The following DNAAF10 variants were observed in gnomAD, a reference collection of about 807,000 sequenced individuals.
DNAAF10 encodes dynein axonemal assembly factor 10.
Under a neutral mutation model 43.7 loss-of-function variants are expected in DNAAF10, and 28 were observed. The ratio of observed to expected loss-of-function variants is 0.64; its 90% CI spans 0.48 to 0.88. DNAAF10 has a LOEUF of 0.88. DNAAF10 is among the 40% of genes least tolerant of loss of function. The pLI, the probability that DNAAF10 is intolerant of heterozygous loss-of-function variation, is 0.00. For synonymous variants in DNAAF10, 156 were observed against 157.3 expected, an observed-to-expected ratio of 0.99 and a Z score of 0.06; for missense variants, 403 against 439.1, an observed-to-expected ratio of 0.92 and a Z score of 0.73.
rs1672902212 is a variant in DNAAF10, at chr2:68,130,257, A to G, written c.*981T>C. Reference sequence around the variant, plus strand: ...GTGATTCTCCTGCCTCAGCCTCCCAAGTAGCTGTGATTACAGGCGCCCGCC... The same window carrying G: ...GTGATTCTCCTGCCTCAGCCTCCCAGGTAGCTGTGATTACAGGCGCCCGCC... On this transcript the variant is annotated 3_prime_UTR_variant, in exon 8 of 8. Coordinates refer to ENST00000295121, the MANE Select transcript of DNAAF10 (RefSeq NM_138458.4). 1 of 150,728 alleles carries G rather than the reference A, an allele frequency of 6.6e-6. No individual in the cohort carries two copies. Among genetic ancestry groups the G allele is most frequent in the Admixed American group, 6.6e-5 (1 of 15,148 alleles). 9.3% of individuals were successfully genotyped at this position (150,728 alleles called of 1,614,324 possible). A position where few individuals can be genotyped will look rare whatever the true frequency, so the allele number is the denominator to read the frequency against.
At position 68,140,864 on chromosome 2, in the gene DNAAF10, A is replaced by G. The variant is rs1367738538; in HGVS notation, c.517+830T>C. On this transcript the variant is annotated intron_variant, in intron 4 of 7. Transcript: ENST00000295121. ...AAATTTGCATCTACACTAAAAACGT[A>G]CAGACTTCTTGTGCTTGTCATTATT... 1.4e-4 allele frequency among the ~76,000 whole-genome samples: 22 copies of G among 152,150 alleles called. 1 individual carries two copies. In the Admixed American group the frequency reaches 1.4e-3, roughly 10 times the overall value.
At chr2:68,132,969 G>A (rs557934985) in intron 7 of DNAAF10, among the ~76,000 whole-genome samples, 1 of 152,302 alleles carries the variant, frequency 6.6e-6, no homozygotes, top group Non-Finnish European at 1.5e-5. Context: ...AAAGAAAACT[G>A]GGACTAGTTC....
At chr2:68,139,040 G>GT (rs1673113224) in intron 4 of DNAAF10, among the ~76,000 whole-genome samples, 183 bp from the exon 5 acceptor site, 1 of 152,108 alleles carries the variant, frequency 6.6e-6, no homozygotes, top group Non-Finnish European at 1.5e-5. Context: ...GTATCCATTA[G>GT]TTTTTTGTTT....
At chr2:68,149,489 C>T (rs1673402967) in intron 1 of DNAAF10, among the ~76,000 whole-genome samples, 1 of 152,148 alleles carries the variant, frequency 6.6e-6, no homozygotes. Context: ...TTATTCACTG[C>T]CGCAGAAAAT....
At chr2:68,144,888 C>A (rs533551311) in intron 2 of DNAAF10, among the ~76,000 whole-genome samples, 173 bp from the exon 3 acceptor site, 2 of 152,298 alleles carry the variant, frequency 1.3e-5, no homozygotes, top group South Asian at 4.1e-4. Context: ...CATTCAACTT[C>A]TTTCAAGCCC....
chr2:68,130,107 G>GATATATATATATATATATATAT lies in DNAAF10; in HGVS notation c.*1130_*1131insATATATATATATATATATATAT, dbSNP rs70949671. The GATATATATATATATATATATAT allele has an allele frequency of 6.6e-4, 80 of 120,344 alleles. 3 individuals are homozygous for GATATATATATATATATATATAT. The highest frequency in any genetic ancestry group is 4.2e-3 in the Middle Eastern group (1 of 240). The allele number at this position is 120,344 out of a possible 1,614,324, so 7.5% of individuals were successfully genotyped here. ...ATCTAGACCAACCGTGCCGTTTTGAGAGAGAGAGATATATATATATATATT... is the reference window on the plus strand; with the variant it reads ...ATCTAGACCAACCGTGCCGTTTTGAGATATATATATATATATATATATAGAGAGAGATATATATATATATATT... On this transcript the variant is annotated 3_prime_UTR_variant, in exon 8 of 8. Coordinates refer to ENST00000295121, the MANE Select transcript of DNAAF10 (RefSeq NM_138458.4).
intron 4 of DNAAF10, among the ~76,000 whole-genome samples, chr2:68,139,386 C>T (rs1673123501): frequency 6.6e-6 from 1 of 152,144 alleles, no homozygotes. Flanking sequence ...TTCTTGGATA[C>T]TCTTGCAGAA....
chr2:68,144,763 G>C (rs1418428467), intron 2 of DNAAF10, 48 bp from the exon 3 acceptor site: 2 of 1,554,432 alleles, frequency 1.3e-6, no homozygotes, highest in African/African-American at 2.8e-5. Context: ...AAACATATAA[G>C]TCTACTACTG....
chr2:68,153,086 G>C (rs1341312564), intron 1 of DNAAF10, among the ~76,000 whole-genome samples: 3 of 152,046 alleles, frequency 2.0e-5, no homozygotes, highest in Non-Finnish European at 4.4e-5. Context: ...GCCTTTTATA[G>C]GCTGATGAAG....
chr2:68,151,949 A>C (rs1212370663), intron 1 of DNAAF10, among the ~76,000 whole-genome samples: 1 of 152,248 alleles, frequency 6.6e-6, no homozygotes, highest in Non-Finnish European at 1.5e-5. Flanking sequence ...AGGTCCCAAG[A>C]GCCAGATACA....
intron 7 of DNAAF10, chr2:68,134,476 A>G: frequency 7.5e-7 from 1 of 1,325,072 alleles, no homozygotes; most frequent in South Asian, 1.8e-5. Flanking sequence ...CACAACTAAA[A>G]TGATATACTA....
At chr2:68,131,535 A>C in intron 7 of DNAAF10, 90 bp from the exon 8 acceptor site, 3 of 1,271,856 alleles carry the variant, frequency 2.4e-6, no homozygotes, top group East Asian at 2.4e-5. Context: ...TCTATTTCTC[A>C]GTTGGTTACT....
intron 1 of DNAAF10, among the ~76,000 whole-genome samples, chr2:68,154,062 T>A (rs1449918042): frequency 6.6e-6 from 1 of 151,644 alleles, no homozygotes; most frequent in East Asian, 2.0e-4. Context: ...CAGTGTAAGT[T>A]CTTAAAGGTA....
chr2:68,140,157 A>G (rs911099482), intron 4 of DNAAF10, among the ~76,000 whole-genome samples: 12 of 152,152 alleles, frequency 7.9e-5, no homozygotes, highest in Non-Finnish European at 1.6e-4. Context: ...TTGCTGAGGA[A>G]AGAGTGTTAA....
intron 7 of DNAAF10, among the ~76,000 whole-genome samples, chr2:68,132,931 A>G (rs1214002895): frequency 6.6e-6 from 1 of 152,208 alleles, no homozygotes; most frequent in Non-Finnish European, 1.5e-5. Context: ...CGTGTGCCTC[A>G]TGGAATACAA....
chr2:68,151,877 A>G (rs1334873706), intron 1 of DNAAF10, among the ~76,000 whole-genome samples: 1 of 152,206 alleles, frequency 6.6e-6, no homozygotes, highest in Non-Finnish European at 1.5e-5. Flanking sequence ...CTGCAAACTA[A>G]GTGTTCAGAA....
intron 1 of DNAAF10, among the ~76,000 whole-genome samples, chr2:68,153,956 T>C (rs771812283): frequency 1.3e-4 from 20 of 151,954 alleles, no homozygotes; most frequent in Non-Finnish European, 2.8e-4. Flanking sequence ...GGTTTCACCA[T>C]GTTGGCCAGG....
At chr2:68,143,715 A>G (rs1388089654) in intron 3 of DNAAF10, among the ~76,000 whole-genome samples, 1 of 152,212 alleles carries the variant, frequency 6.6e-6, no homozygotes, top group Non-Finnish European at 1.5e-5. Flanking sequence ...AAATAAAAAA[A>G]GTTTCTAAGA....
chr2:68,155,543 A>T (rs1673575691), intron 1 of DNAAF10, among the ~76,000 whole-genome samples: 1 of 151,928 alleles, frequency 6.6e-6, no homozygotes, highest in Non-Finnish European at 1.5e-5. Flanking sequence ...TCCTTTAAAT[A>T]CCTTTTCTTT....
Sources: allele counts gnomAD v4.1 joint callset (sites outside exome capture counted in the v4.1 genomes callset), GRCh38; gene constraint gnomAD v4.1.1; transcripts MANE v1.5; gene names NCBI Gene and HGNC (gene_info 2026-07-23, HGNC 2026-07-21).